The following ERC2 variants were observed in gnomAD, a reference collection of about 807,000 sequenced individuals.
ERC2 encodes the protein ERC protein 2.
In ERC2, 42 loss-of-function variants were observed where a neutral mutation model predicts 114.8. The observed-to-expected ratio is 0.37, with a 90% confidence interval of 0.29 to 0.47. ERC2 has a LOEUF of 0.47. Ranked by LOEUF, ERC2 falls within the 20% of genes least tolerant of loss-of-function variation. ERC2 has a pLI of 0.99. For synonymous variants in ERC2, 454 were observed against 425.5 expected, an observed-to-expected ratio of 1.07 and a Z score of -0.82; for missense variants, 939 against 1,150.7, an observed-to-expected ratio of 0.82 and a Z score of 2.66.
In ERC2 at chr3:55,845,503, C is replaced by CAA. The variant is rs764740068; in HGVS notation, c.2564+42884_2564+42885dup. 5.5e-3 allele frequency among the ~76,000 whole-genome samples: 338 copies of CAA among 61,976 alleles called. 4 individuals are homozygous for CAA. The highest frequency in any genetic ancestry group is 6.3e-3 in the East Asian group (12 of 1,904). 40.7% of individuals were successfully genotyped at this position (61,976 alleles called of 152,430 possible). On this transcript the variant is annotated intron_variant, in intron 14 of 17. Coordinates refer to ENST00000288221, the MANE Select transcript of ERC2 (RefSeq NM_015576.3). ...TGGGCGACAGAGCGAGACTCCGTCT[C>CAA]AAAAAAAAAAAAAAAAAAAAAAAGG...
chr3:56,146,661 C>T (rs1379276060), intron 5 of ERC2, among the ~76,000 whole-genome samples: 2 of 152,030 alleles, frequency 1.3e-5, no homozygotes, highest in Non-Finnish European at 2.9e-5. Context: ...TTATTTAGTC[C>T]ATCTGAACCA....
At chr3:56,295,635 T>C (rs750107127) in intron 3 of ERC2, among the ~76,000 whole-genome samples, 11 of 152,218 alleles carry the variant, frequency 7.2e-5, no homozygotes, top group Non-Finnish European at 1.3e-4. Context: ...TTTAGGGTCA[T>C]TGTGTTGCTA....
intron 17 of ERC2, among the ~76,000 whole-genome samples, chr3:55,625,969 C>T (rs1205824053): frequency 6.6e-6 from 1 of 152,108 alleles, no homozygotes. Context: ...TAAAGAAGTA[C>T]CCTATTATCT....
intron 2 of ERC2, among the ~76,000 whole-genome samples, chr3:56,410,524 C>T (rs1277220915): frequency 6.6e-6 from 1 of 152,116 alleles, no homozygotes; most frequent in Non-Finnish European, 1.5e-5. Flanking sequence ...AGTAAAATAA[C>T]GCCAGTTTAC....
intron 3 of ERC2, among the ~76,000 whole-genome samples, chr3:56,195,339 A>G (rs144048485): frequency 0.014 from 2,186 of 152,272 alleles, 59 homozygotes; most frequent in African/African-American, 0.05. Context: ...ATGGCATGCA[A>G]TTTAAAACTT....
intron 12 of ERC2, among the ~76,000 whole-genome samples, chr3:55,975,927 T>C (rs923344283): frequency 2.0e-5 from 3 of 152,186 alleles, no homozygotes; most frequent in Admixed American, 6.5e-5. Flanking sequence ...ACCACATTCA[T>C]AGAAATTTCC....
intron 17 of ERC2, among the ~76,000 whole-genome samples, chr3:55,536,241 CA>C (rs2053993016): frequency 6.6e-6 from 1 of 152,202 alleles, no homozygotes; most frequent in Non-Finnish European, 1.5e-5. Context: ...CTTCACTGGA[CA>C]AACTCAAACT....
At chr3:55,685,501 TC>T (rs1170644567) in intron 16 of ERC2, among the ~76,000 whole-genome samples, 1 of 152,208 alleles carries the variant, frequency 6.6e-6, no homozygotes, top group Non-Finnish European at 1.5e-5. Flanking sequence ...TTTAACTTCC[TC>T]TCTGTCCCTG....
chr3:56,095,007 C>G (rs1050642292), intron 6 of ERC2, among the ~76,000 whole-genome samples: 8 of 152,210 alleles, frequency 5.3e-5, no homozygotes, highest in African/African-American at 1.9e-4. Context: ...AATCCCAGCA[C>G]TTTGGGAGGC....
intron 6 of ERC2, among the ~76,000 whole-genome samples, chr3:56,107,633 A>G (rs1302105201): frequency 2.0e-5 from 3 of 152,194 alleles, no homozygotes; most frequent in Non-Finnish European, 4.4e-5. Context: ...CCATCACCAA[A>G]GCCACCCTTC....
Position 56,306,525 on chromosome 3 carries a change from G to C in ERC2, c.658-10090C>G, listed in dbSNP as rs1247032417. Among the ~76,000 whole-genome samples, 4 of 152,198 alleles carry C rather than the reference G, an allele frequency of 2.6e-5. No individual in the cohort carries two copies. In the South Asian group the frequency reaches 8.3e-4, roughly 32 times the overall value. On this transcript the variant is annotated intron_variant, in intron 2 of 17. Coordinates refer to ENST00000288221, the MANE Select transcript of ERC2 (RefSeq NM_015576.3). ...AATATATACAACATCATCTCACTTA[G>C]ACAAGGTTCAAGGGCATGATTATCA... is the stretch of plus-strand genomic sequence containing the variant.
chr3:56,370,586 G>GTT (rs1560690146), intron 2 of ERC2, among the ~76,000 whole-genome samples: 98 of 145,580 alleles, frequency 6.7e-4, no homozygotes, highest in African/African-American at 1.7e-3. Flanking sequence ...TTTTGGTGGG[G>GTT]GTTTTTTTGT....
At chr3:55,988,321 G>T (rs1478859098) in intron 11 of ERC2, among the ~76,000 whole-genome samples, 1 of 152,172 alleles carries the variant, frequency 6.6e-6, no homozygotes, top group Non-Finnish European at 1.5e-5. Context: ...AAACTCCCCT[G>T]AGCTGCCTGC....
intron 2 of ERC2, among the ~76,000 whole-genome samples, chr3:56,400,267 G>A (rs916734802): frequency 1.3e-5 from 2 of 152,126 alleles, no homozygotes; most frequent in Non-Finnish European, 2.9e-5. Context: ...TTTGGATGGT[G>A]TAGAAGTGAC....
chr3:56,451,390 A>G (rs2062822668), intron 1 of ERC2, among the ~76,000 whole-genome samples: 2 of 152,228 alleles, frequency 1.3e-5, no homozygotes, highest in Admixed American at 6.5e-5. Context: ...AAAGACCACA[A>G]TCAATGAGGG....
chr3:56,278,528 A>C (rs2054153917), intron 3 of ERC2, among the ~76,000 whole-genome samples: 1 of 152,222 alleles, frequency 6.6e-6, no homozygotes, highest in African/African-American at 2.4e-5. Context: ...AAACTGGTGA[A>C]GTTTAAATGA....
At chr3:55,803,680 G>A (rs983410241) in intron 14 of ERC2, among the ~76,000 whole-genome samples, 2 of 151,854 alleles carry the variant, frequency 1.3e-5, no homozygotes, top group Non-Finnish European at 2.9e-5. Flanking sequence ...AAATATTTAT[G>A]TATAAAGTTA....
At chr3:55,811,322 C>T (rs2059713839) in intron 14 of ERC2, among the ~76,000 whole-genome samples, 2 of 151,934 alleles carry the variant, frequency 1.3e-5, no homozygotes, top group South Asian at 4.2e-4. Flanking sequence ...ATCATCTTTC[C>T]TATCAAAGAG....
chr3:55,799,437 T>TTATATGTATGCATA (rs1553682484), intron 14 of ERC2, among the ~76,000 whole-genome samples: 13 of 103,290 alleles, frequency 1.3e-4, no homozygotes, highest in African/African-American at 3.4e-4. Context: ...TATATATGCC[T>TTATATGTATGCATA]TATATATATA....
Sources: gnomAD v4.1 joint callset for allele counts (sites outside exome capture counted in the v4.1 genomes callset) on GRCh38, gnomAD v4.1.1 for gene constraint, MANE v1.5 for transcripts, NCBI Gene and HGNC (gene_info 2026-07-23, HGNC 2026-07-21) for gene names.